The following GATA4 variants were observed in gnomAD, a reference collection of about 807,000 sequenced individuals.
The protein encoded by GATA4 is transcription factor GATA-4.
In GATA4, 7 loss-of-function variants were observed where a neutral mutation model predicts 37.9. The ratio of observed to expected loss-of-function variants is 0.18; its 90% CI spans 0.11 to 0.35. GATA4 has a LOEUF of 0.35. GATA4 is among the 10% of genes least tolerant of loss of function. GATA4 has a pLI of 1.00. For synonymous variants in GATA4, 372 were observed against 292.6 expected, an observed-to-expected ratio of 1.27 and a Z score of -2.77; for missense variants, 647 against 653.0, an observed-to-expected ratio of 0.99 and a Z score of 0.10.
chr8:11,690,938 A>G (rs2129975356), upstream of GATA4, among the ~76,000 whole-genome samples: 1 of 152,358 alleles, frequency 6.6e-6, no homozygotes, highest in African/African-American at 2.4e-5. Context: ...TGCCCAGAGG[A>G]GCAGTTTTTG....
intron 2 of GATA4, among the ~76,000 whole-genome samples, chr8:11,733,105 T>C (rs1302657750): frequency 6.6e-6 from 1 of 152,176 alleles, no homozygotes; most frequent in Non-Finnish European, 1.5e-5. Context: ...GTAAATTCCC[T>C]GTGGAGGGAG....
At chr8:11,699,727 C>G (rs538580110), upstream of GATA4, among the ~76,000 whole-genome samples, 1 of 152,258 alleles carries the variant, frequency 6.6e-6, no homozygotes, top group Admixed American at 6.5e-5. Flanking sequence ...TGAAGAGCCC[C>G]TCCCTATTCA....
At chr8:11,678,969 A>T (rs752721008) in intron 1 of GATA4, among the ~76,000 whole-genome samples, 12 of 152,244 alleles carry the variant, frequency 7.9e-5, no homozygotes, top group African/African-American at 1.4e-4. Context: ...ATAATAAAAT[A>T]TCCATTTCAA....
intron 2 of GATA4, among the ~76,000 whole-genome samples, chr8:11,743,885 T>TA (rs576564679): frequency 2.6e-5 from 4 of 152,236 alleles, no homozygotes; most frequent in East Asian, 3.9e-4. Flanking sequence ...GTTTCCTCTT[T>TA]AAAAAAAACT....
At chr8:11,739,769 AG>A (rs1563220469) in intron 2 of GATA4, among the ~76,000 whole-genome samples, 3 of 23,676 alleles carry the variant, frequency 1.3e-4, no homozygotes, top group Non-Finnish European at 2.8e-4. Flanking sequence ...TCGTGTGCGG[AG>A]GAGTTTCTGT....
At chr8:11,684,017 C>A (rs1276775660) in intron 1 of GATA4, among the ~76,000 whole-genome samples, 2 of 152,330 alleles carry the variant, frequency 1.3e-5, no homozygotes, top group East Asian at 3.9e-4. Context: ...CGGGTTTATG[C>A]CCCAAAAGTA....
At chr8:11,703,710 A>G (rs1799767001), upstream of GATA4, among the ~76,000 whole-genome samples, 1 of 152,222 alleles carries the variant, frequency 6.6e-6, no homozygotes, top group Non-Finnish European at 1.5e-5. Flanking sequence ...GTGTCTCCTG[A>G]ACCTCCAAGG....
intron 2 of GATA4, among the ~76,000 whole-genome samples, chr8:11,742,496 C>T (rs571563577): frequency 7.9e-5 from 12 of 152,130 alleles, no homozygotes; most frequent in East Asian, 1.9e-4. Context: ...AGCCAGCTGA[C>T]GTCCTGGGTT....
At chr8:11,731,368 G>A (rs918819624) in intron 2 of GATA4, among the ~76,000 whole-genome samples, 10 of 152,382 alleles carry the variant, frequency 6.6e-5, no homozygotes, top group African/African-American at 2.4e-4. Context: ...ATGAACAAAT[G>A]TGGTCTGTGT....
At chr8:11,720,766 G>C (rs1427503209) in intron 2 of GATA4, among the ~76,000 whole-genome samples, 1 of 151,042 alleles carries the variant, frequency 6.6e-6, no homozygotes, top group Non-Finnish European at 1.5e-5. Context: ...GTTCCCTCAA[G>C]AGACCTGATC....
At chr8:11,696,340 C>T (rs1001632872) in intron 1 of GATA4, among the ~76,000 whole-genome samples, 1 of 152,066 alleles carries the variant, frequency 6.6e-6, no homozygotes. Context: ...GTTCTGTCTT[C>T]TTCAGAATGT....
upstream of GATA4, among the ~76,000 whole-genome samples, chr8:11,690,883 CA>C (rs1799290876): frequency 6.6e-6 from 1 of 152,144 alleles, no homozygotes; most frequent in Non-Finnish European, 1.5e-5. Flanking sequence ...TCTCTTCAAA[CA>C]AAAAAGGTTA....
At chr8:11,695,071 C>A (rs1563191334) in intron 1 of GATA4, among the ~76,000 whole-genome samples, 1 of 152,206 alleles carries the variant, frequency 6.6e-6, no homozygotes, top group South Asian at 2.1e-4. Context: ...ATGTGAACAT[C>A]GTGACCTGCA....
At chr8:11,718,155 T>G (rs1800518097) in intron 2 of GATA4, among the ~76,000 whole-genome samples, 1 of 152,154 alleles carries the variant, frequency 6.6e-6, no homozygotes, top group Admixed American at 6.5e-5. Flanking sequence ...GGGGCATGGA[T>G]CAAGACAATG....
rs759491945 is a variant in GATA4 at position 11,680,511 on chromosome 8, C to G, written c.-274+3448C>G. 1.9e-4 allele frequency: 185 copies of G among 985,366 alleles called. 1 individual carries two copies. Among genetic ancestry groups the G allele is most frequent in the Non-Finnish European group, 2.1e-4 (175 of 829,946 alleles). The allele number at this position is 985,366 out of a possible 1,614,324, so 61.0% of individuals were successfully genotyped here. A position where few individuals can be genotyped will look rare whatever the true frequency, so the allele number is the denominator to read the frequency against. ...TCGATCAATCTGGCGCCACATGGGC[C>G]AGGTCACCTCGGACGGGTGTCGCGC... On this transcript the variant is annotated intron_variant, in intron 1 of 6. Coordinates refer to the GATA4 transcript ENST00000528712.
intron 2 of GATA4, among the ~76,000 whole-genome samples, chr8:11,713,975 G>C (rs1016647605): frequency 6.6e-6 from 1 of 152,200 alleles, no homozygotes; most frequent in African/African-American, 2.4e-5. Flanking sequence ...CTCTTAAAAT[G>C]GGAGTCTTTT....
upstream of GATA4, among the ~76,000 whole-genome samples, chr8:11,690,797 G>A (rs1418551524): frequency 6.6e-6 from 1 of 152,208 alleles, no homozygotes; most frequent in African/African-American, 2.4e-5. Context: ...CTTGAGCCCA[G>A]GAATTGGAGG....
intron 5 of GATA4, 104 bp from the exon 6 acceptor site, chr8:11,756,831 A>T: frequency 6.8e-7 from 1 of 1,471,516 alleles, no homozygotes; most frequent in Non-Finnish European, 9.5e-7. Flanking sequence ...CGGCAAATGT[A>T]GATAAAGCCA....
intron 2 of GATA4, among the ~76,000 whole-genome samples, chr8:11,732,499 G>A (rs17153698): frequency 0.24 from 37,137 of 152,180 alleles, 5,711 homozygotes; most frequent in East Asian, 0.71. Context: ...CAAAACAGAA[G>A]GAGAGAGGTT....
Sources: allele counts gnomAD v4.1 joint callset (sites outside exome capture counted in the v4.1 genomes callset), GRCh38; gene constraint gnomAD v4.1.1; transcripts MANE v1.5; gene names NCBI Gene and HGNC (gene_info 2026-07-23, HGNC 2026-07-21).